Variants in TMEM18 observed in about 807,000 individuals in gnomAD.
TMEM18 encodes transmembrane protein 18.
In TMEM18, 14 loss-of-function variants were observed where a neutral mutation model predicts 17.4. That is an observed-to-expected ratio of 0.80 (90% confidence interval 0.53 to 1.25). TMEM18 has a LOEUF of 1.25. Among genes scored for constraint, TMEM18 ranks in the 50% most tolerant of loss-of-function variants. The pLI is 0.00. For synonymous variants in TMEM18, 86 were observed against 66.1 expected (o/e 1.30, Z -1.46); for missense variants, 187 against 172.1 (o/e 1.09, Z -0.48).
At position 666,047 on chromosome 2, in the gene TMEM18, A is replaced by G. The variant is rs1309837732; in HGVS notation, c.*3533T>C. Reference sequence around the variant, plus strand: ...GCAGATGCTCAGCTCACTGAGATGGAGCATCAACCCTACACACAACAGGAC... The same window carrying G: ...GCAGATGCTCAGCTCACTGAGATGGGGCATCAACCCTACACACAACAGGAC... On this transcript the variant is annotated 3_prime_UTR_variant, in exon 5 of 5. Coordinates refer to ENST00000281017, the MANE Select transcript of TMEM18 (RefSeq NM_152834.4). Among the ~76,000 whole-genome samples the G allele has an allele frequency of 6.6e-6, 1 of 152,130 alleles. No homozygotes were observed. Among genetic ancestry groups the G allele is most frequent in the Non-Finnish European group, 1.5e-5 (1 of 68,036 alleles).
At chr2:671,796 T>C (rs1323144913) in intron 3 of TMEM18, among the ~76,000 whole-genome samples, 1 of 92,112 alleles carries the variant, frequency 1.1e-5, no homozygotes, top group South Asian at 5.0e-4. Flanking sequence ...GACTGAACCA[T>C]GTGAAGGCCC....
At position 667,243 on chromosome 2, in the gene TMEM18, G is replaced by A. The variant is rs929730384; in HGVS notation, c.*2337C>T. The A allele has an allele frequency of 1.3e-5, 2 of 151,976 alleles. No individual in the cohort carries two copies. Among genetic ancestry groups the A allele is most frequent in the South Asian group, 4.2e-4 (2 of 4,812 alleles). 9.4% of individuals were successfully genotyped at this position (151,976 alleles called of 1,614,324 possible). On this transcript the variant is annotated 3_prime_UTR_variant, in exon 5 of 5. Coordinates refer to ENST00000281017, the MANE Select transcript of TMEM18 (RefSeq NM_152834.4). The stretch of plus-strand genomic sequence containing the variant: ...CAGCAAAGGGACCTGCCAGCCAAAG[G>A]TGGAGCTAAGTTCCAGGTGCTCCTG...
chr2:666,639 G>A lies in TMEM18; in HGVS notation c.*2941C>T, dbSNP rs188190266. ...GCAACCAGGGCTTGGAGACATCTTC[G>A]CACCATCCTGGGACTGGGCAGCGCC... On this transcript the variant is annotated 3_prime_UTR_variant, in exon 5 of 5. Transcript: ENST00000281017. 7.1e-4 allele frequency among the ~76,000 whole-genome samples: 108 copies of A among 152,160 alleles called. No homozygotes were observed. The highest frequency in any genetic ancestry group is 2.5e-3 in the African/African-American group (105 of 41,542).
rs150192904 is a variant in TMEM18, at chr2:670,065, G to A, written c.234-215C>T. The A allele has an allele frequency of 7.1e-4, 377 of 530,868 alleles. 2 individuals are homozygous for A. Among genetic ancestry groups the A allele is most frequent in the Admixed American group, 6.6e-3 (188 of 28,504 alleles). The allele number at this position is 530,868 out of a possible 1,614,324, so 32.9% of individuals were successfully genotyped here. A position where few individuals can be genotyped will look rare whatever the true frequency, so the allele number is the denominator to read the frequency against. ...ATGAAGAAAACACACTGGGTCACAG[G>A]ACAGGGAGACACCACCCAGCAGCAC... On this transcript the variant is annotated intron_variant, in intron 3 of 4. Coordinates refer to ENST00000281017, the MANE Select transcript of TMEM18 (RefSeq NM_152834.4).
At position 668,904 on chromosome 2, in the gene TMEM18, C is replaced by A; in HGVS notation, c.*676G>T. The A allele has an allele frequency of 6.6e-6, 1 of 152,398 alleles. No homozygotes were observed. The highest frequency in any genetic ancestry group is 1.5e-5 in the Non-Finnish European group (1 of 68,076). The allele number at this position is 152,398 out of a possible 1,614,324, so 9.4% of individuals were successfully genotyped here. Reference sequence around the variant, plus strand: ...AACTTTGCTAGAGAGGGCCTAGCCTCTTGTGAATTGGTTCATCAAACTGAG... The same window carrying A: ...AACTTTGCTAGAGAGGGCCTAGCCTATTGTGAATTGGTTCATCAAACTGAG... On this transcript the variant is annotated 3_prime_UTR_variant, in exon 5 of 5. Transcript: ENST00000281017.
intron 3 of TMEM18, chr2:670,222 G>A (rs1678806178): frequency 1.0e-5 from 2 of 192,120 alleles, no homozygotes; most frequent in Non-Finnish European, 2.1e-5. Flanking sequence ...GAGTAACAAC[G>A]TCAATAATCC....
chr2:676,522 C>T, intron 1 of TMEM18: 1 of 1,541,650 alleles, frequency 6.5e-7, no homozygotes, highest in Non-Finnish European at 8.8e-7. Context: ...TTCTCCAGAG[C>T]CGCGCCATGA....
At chr2:677,087 C>A in intron 1 of TMEM18, 1 of 603,042 alleles carries the variant, frequency 1.7e-6, no homozygotes, top group African/African-American at 2.0e-5. Context: ...GGGCCCAGGA[C>A]CCCGCCCACA....
chr2:676,196 C>A, intron 1 of TMEM18: 1 of 1,361,134 alleles, frequency 7.3e-7, no homozygotes, highest in Non-Finnish European at 9.7e-7. Context: ...CCAGACAGTG[C>A]CGCACTCCGC....
chr2:664,038 G>A lies in TMEM18; in HGVS notation c.*5542C>T, dbSNP rs752704015. Among the ~76,000 whole-genome samples, 3 of 152,142 alleles carry A rather than the reference G, an allele frequency of 2.0e-5. No homozygotes were observed. Among genetic ancestry groups the A allele is most frequent in the African/African-American group, 7.2e-5 (3 of 41,426 alleles). ...TGGATGCTTGAGCAAAAGGATATTC[G>A]GTTTGGAGGCTAGAGAAGGAAGCAA... On this transcript the variant is annotated 3_prime_UTR_variant, in exon 5 of 5. Transcript: ENST00000281017.
chr2:674,461 G>C (rs1262993004), intron 2 of TMEM18, among the ~76,000 whole-genome samples: 1 of 152,180 alleles, frequency 6.6e-6, no homozygotes, highest in African/African-American at 2.4e-5. Flanking sequence ...CTTTTCCATT[G>C]CAACACTTGT....
At position 667,007 on chromosome 2, in the gene TMEM18, C is replaced by T. The variant is rs866112488; in HGVS notation, c.*2573G>A. ...GAAGCTCCTTACCCTGAATTCCACCCCCAGCCCTTTTTTTTTTTTTTTAAC... is the reference window on the plus strand; with the variant it reads ...GAAGCTCCTTACCCTGAATTCCACCTCCAGCCCTTTTTTTTTTTTTTTAAC... On this transcript the variant is annotated 3_prime_UTR_variant, in exon 5 of 5. Coordinates refer to ENST00000281017, the MANE Select transcript of TMEM18 (RefSeq NM_152834.4). Among the ~76,000 whole-genome samples, 1 of 109,098 alleles carries T rather than the reference C, an allele frequency of 9.2e-6. No individual in the cohort carries two copies. The highest frequency in any genetic ancestry group is 3.4e-5 in the African/African-American group (1 of 29,524). The allele number at this position is 109,098 out of a possible 152,430, so 71.6% of individuals were successfully genotyped here.
rs1166241813 is a variant in TMEM18 at position 665,572 on chromosome 2, T to G, written c.*4008A>C. Reference sequence around the variant, plus strand: ...GAACCCAGAGATGCAGATGCCCCACTCACTCAGAGAATCAACCCCACATAA... The same window carrying G: ...GAACCCAGAGATGCAGATGCCCCACGCACTCAGAGAATCAACCCCACATAA... On this transcript the variant is annotated 3_prime_UTR_variant, in exon 5 of 5. Transcript: ENST00000281017. Among the ~76,000 whole-genome samples the G allele has an allele frequency of 4.0e-5, 6 of 150,854 alleles. No individual in the cohort carries two copies. Among genetic ancestry groups the G allele is most frequent in the Non-Finnish European group, 5.9e-5 (4 of 67,844 alleles).
In TMEM18 at chr2:677,385, G is replaced by T. The variant is rs1185998443; in HGVS notation, c.-40C>A. The T allele has an allele frequency of 4.4e-6, 7 of 1,603,216 alleles. No individual in the cohort carries two copies. The highest frequency in any genetic ancestry group is 4.5e-5 in the East Asian group (2 of 44,576). Reference sequence around the variant, plus strand: ...CGCTCTCACAGCAACCGCCGAACCCGGCCTGGCCAGAATCCACAGAGGAGG... The same window carrying T: ...CGCTCTCACAGCAACCGCCGAACCCTGCCTGGCCAGAATCCACAGAGGAGG... On this transcript the variant is annotated 5_prime_UTR_variant, in exon 1 of 5. Transcript: ENST00000281017.
rs987693145 is a variant in TMEM18 at position 664,098 on chromosome 2, A to G, written c.*5482T>C. On this transcript the variant is annotated 3_prime_UTR_variant, in exon 5 of 5. Transcript: ENST00000281017. ...CTGGGTATTTCACAGGCATTTGTAT[A>G]ATAAATGAAATGAACTTGGAAAGCA... 2.0e-5 allele frequency among the ~76,000 whole-genome samples: 3 copies of G among 152,270 alleles called. No homozygotes were observed. Among genetic ancestry groups the G allele is most frequent in the Admixed American group, 2.0e-4 (3 of 15,288 alleles).
chr2:674,621 A>G (rs904548493), intron 2 of TMEM18, among the ~76,000 whole-genome samples: 1 of 152,254 alleles, frequency 6.6e-6, no homozygotes, highest in African/African-American at 2.4e-5. Flanking sequence ...CCTCACTTGC[A>G]TAGGCCCCCA....
intron 1 of TMEM18, chr2:676,760 C>T: frequency 2.1e-6 from 2 of 965,810 alleles, no homozygotes; most frequent in Non-Finnish European, 3.0e-6. Flanking sequence ...CACGATCAGG[C>T]TCCACCACGC....
In TMEM18 at chr2:663,912, T is replaced by C. The variant is rs534695486; in HGVS notation, c.*5668A>G. 3.3e-5 allele frequency among the ~76,000 whole-genome samples: 5 copies of C among 152,378 alleles called. No individual in the cohort carries two copies. The South Asian group carries it at 8.3e-4, about 25-fold the overall frequency. On this transcript the variant is annotated 3_prime_UTR_variant, in exon 5 of 5. Transcript: ENST00000281017. ...AAAAAAGCCAACATGAGTAACTTTA[T>C]TTATAAAGGTGTCACAGTTCTTGGC...
At chr2:677,054 C>G (rs1433056399) in intron 1 of TMEM18, 1 of 403,090 alleles carries the variant, frequency 2.5e-6, no homozygotes, top group Non-Finnish European at 4.3e-6. Context: ...CGCCCCGACG[C>G]CCGGCCCCGG....
Sources: allele counts gnomAD v4.1 joint callset (sites outside exome capture counted in the v4.1 genomes callset), GRCh38; gene constraint gnomAD v4.1.1; transcripts MANE v1.5; gene names NCBI Gene and HGNC (gene_info 2026-07-23, HGNC 2026-07-21).